The following HAT1 variants were observed in gnomAD, a reference collection of about 807,000 sequenced individuals.
HAT1 encodes histone acetyltransferase 1, also known as histone acetyltransferase type B catalytic subunit.
In HAT1, 20 loss-of-function variants were observed where a neutral mutation model predicts 56.6. The ratio of observed to expected loss-of-function variants is 0.35; its 90% CI spans 0.25 to 0.51. The LOEUF (loss-of-function observed/expected upper bound fraction) is 0.51, where lower values mean the gene tolerates loss of function less well. Among genes scored for constraint, HAT1 ranks in the 20% least tolerant of loss-of-function variants. HAT1 has a pLI of 0.95. For missense variants in HAT1, 408 were observed against 504.3 expected, an observed-to-expected ratio of 0.81 and a Z score of 1.83; for synonymous variants, 146 against 165.5, an observed-to-expected ratio of 0.88 and a Z score of 0.91.
chr2:171,923,537 A>G (rs1313758006), intron 1 of HAT1: 15 of 152,212 alleles, frequency 9.9e-5, no homozygotes, highest in Admixed American at 9.8e-4. Context: ...CAGCTTCCCA[A>G]AGTGTTGGAA....
At chr2:171,971,122 C>T (rs1687805920) in intron 8 of HAT1, among the ~76,000 whole-genome samples, 1 of 152,128 alleles carries the variant, frequency 6.6e-6, no homozygotes, top group African/African-American at 2.4e-5. Flanking sequence ...ATGGCGTAAA[C>T]CCAGAGGTGG....
In HAT1 at chr2:171,979,252, C is replaced by T. The variant is rs777761727; in HGVS notation, c.981C>T (p.His327=). ...AQQKFKINKQ[H]ARRVYEILRL... ...TTTCTTTTGTTTCATTCTAGCAACA[C>T]GCTAGAAGGGTTTATGAAATTCTTC... Residue 327 remains histidine, a synonymous_variant, in exon 10 of 11, where the codon CAC becomes CAT. Coordinates refer to ENST00000264108, the MANE Select transcript of HAT1 (RefSeq NM_003642.4). 4.1e-5 allele frequency: 62 copies of T among 1,497,060 alleles called. No individual in the cohort carries two copies. The highest frequency in any genetic ancestry group is 5.0e-5 in the Non-Finnish European group (54 of 1,090,634). 92.7% of individuals were successfully genotyped at this position (1,497,060 alleles called of 1,614,324 possible). A position where few individuals can be genotyped will look rare whatever the true frequency, so the allele number is the denominator to read the frequency against.
intron 2 of HAT1, among the ~76,000 whole-genome samples, chr2:171,935,792 C>T (rs555964815): frequency 6.6e-6 from 1 of 151,876 alleles, no homozygotes; most frequent in Admixed American, 6.6e-5. Context: ...AGGAGGATCA[C>T]CTGAGCCTGG....
At chr2:171,965,991 C>A (rs1251453202) in intron 6 of HAT1, 83 bp downstream of exon 6, 4 of 1,185,674 alleles carry the variant, frequency 3.4e-6, no homozygotes, top group East Asian at 4.7e-5. Context: ...ATTATTGGGA[C>A]AGTATAATGA....
At chr2:171,931,291 G>C (rs1686738817) in intron 2 of HAT1, among the ~76,000 whole-genome samples, 1 of 152,156 alleles carries the variant, frequency 6.6e-6, no homozygotes, top group South Asian at 2.1e-4. Flanking sequence ...AGGAGGCTGA[G>C]GTGGGAGGAT....
At chr2:171,957,076 A>AGGC (rs1687464770) in intron 4 of HAT1, among the ~76,000 whole-genome samples, 1 of 152,188 alleles carries the variant, frequency 6.6e-6, no homozygotes, top group South Asian at 2.1e-4. Context: ...TGACGTACAC[A>AGGC]GGCGACTCAA....
At chr2:171,973,796 A>G (rs1481670659) in intron 8 of HAT1, among the ~76,000 whole-genome samples, 1 of 152,168 alleles carries the variant, frequency 6.6e-6, no homozygotes, top group Non-Finnish European at 1.5e-5. Flanking sequence ...CCCCAGGGAA[A>G]TATTGCCTCC....
chr2:171,951,169 T>G (rs946236260), intron 3 of HAT1, among the ~76,000 whole-genome samples: 4 of 152,238 alleles, frequency 2.6e-5, no homozygotes, highest in Non-Finnish European at 4.4e-5. Context: ...CTGTGAATTT[T>G]TCATTATTGA....
intron 9 of HAT1, among the ~76,000 whole-genome samples, chr2:171,977,545 ATATATATATATATTTTTTTTTTTTTTT>A (rs1371636458): frequency 7.1e-5 from 1 of 14,062 alleles, no homozygotes; most frequent in Non-Finnish European, 1.3e-4. Context: ...ATATATATAT[ATATATATATATATTTTTTTTTTTTTTT>A]TTTTTTTAAT....
chr2:171,974,193 G>GAAAAAAAAAAA (rs1277239116), intron 8 of HAT1, among the ~76,000 whole-genome samples: 2 of 92,790 alleles, frequency 2.2e-5, no homozygotes, highest in Non-Finnish European at 2.0e-5. Context: ...AAAAAAAAAA[G>GAAAAAAAAAAA]AAAAAAAGAA....
chr2:171,938,585 T>C (rs1319524586), intron 2 of HAT1, among the ~76,000 whole-genome samples: 1 of 152,200 alleles, frequency 6.6e-6, no homozygotes, highest in Non-Finnish European at 1.5e-5. Context: ...CAGTCTACTC[T>C]GTAATCTCGT....
chr2:171,949,645 G>A (rs920190893), intron 3 of HAT1, among the ~76,000 whole-genome samples: 1 of 150,866 alleles, frequency 6.6e-6, no homozygotes, highest in East Asian at 2.0e-4. Context: ...CTGCACTCCA[G>A]CCTGGGCAAC....
In HAT1 at chr2:171,965,791, A is replaced by T; in HGVS notation, c.494A>T (p.Asp165Val). ...TTTTCCTGGCTTTTTCCCTAGGCTG[A>T]CATGACATGTAGAGGCTTTCGAGAA... ...ENFTFQIYKA[D>V]MTCRGFREYH... The change falls in exon 6 of 11, where the codon GAC becomes GTC. Residue 165 changes from aspartate to valine, a missense_variant. By Grantham distance (152) the Asp-to-Val change is radical. Transcript: ENST00000264108. 1 of 1,612,866 alleles carries T rather than the reference A, an allele frequency of 6.2e-7. No individual in the cohort carries two copies. Among genetic ancestry groups the T allele is most frequent in the Non-Finnish European group, 8.5e-7 (1 of 1,179,456 alleles).
At chr2:171,922,788 C>G in intron 1 of HAT1, 1 of 385,662 alleles carries the variant, frequency 2.6e-6, no homozygotes, top group Non-Finnish European at 4.6e-6. Context: ...GATTTGGGCT[C>G]GTAAAATGCC....
At chr2:171,975,919 T>G (rs1687949749) in intron 8 of HAT1, among the ~76,000 whole-genome samples, 1 of 150,100 alleles carries the variant, frequency 6.7e-6, no homozygotes. Context: ...CTTATCTAGT[T>G]AAGAGTGACT....
At chr2:171,970,572 T>C in intron 8 of HAT1, among the ~76,000 whole-genome samples, 1 of 128,766 alleles carries the variant, frequency 7.8e-6, no homozygotes, top group South Asian at 2.7e-4. Flanking sequence ...CAGGCTGGAG[T>C]GCAGTGGTGC....
At chr2:171,977,551 ATATATATTTTTTTT>A (rs1208704453) in intron 9 of HAT1, among the ~76,000 whole-genome samples, 2 of 13,428 alleles carry the variant, frequency 1.5e-4, no homozygotes, top group African/African-American at 6.0e-4. Flanking sequence ...ATATATATAT[ATATATATTTTTTTT>A]TTTTTTTTTT....
chr2:171,928,142 C>G (rs1686645467), intron 2 of HAT1, among the ~76,000 whole-genome samples: 1 of 152,176 alleles, frequency 6.6e-6, no homozygotes, highest in Non-Finnish European at 1.5e-5. Context: ...ACCTTGGCCT[C>G]CCAAAGTGCT....
chr2:171,931,075 G>A (rs558944380), intron 2 of HAT1, among the ~76,000 whole-genome samples: 3 of 152,160 alleles, frequency 2.0e-5, no homozygotes, highest in East Asian at 1.9e-4. Flanking sequence ...AAAATCTGCC[G>A]ATGATCCGGT....
Sources: gnomAD v4.1 joint callset for allele counts (sites outside exome capture counted in the v4.1 genomes callset) on GRCh38, gnomAD v4.1.1 for gene constraint, MANE v1.5 for transcripts, NCBI Gene and HGNC (gene_info 2026-07-23, HGNC 2026-07-21) for gene names.